Variants in ADCY4 observed in about 807,000 individuals in gnomAD.
The protein encoded by ADCY4 is adenylate cyclase 4.
In ADCY4, 111 loss-of-function variants were observed where a neutral mutation model predicts 125.5. That is an observed-to-expected ratio of 0.88 (90% CI 0.76 to 1.04). The LOEUF is 1.04. ADCY4 is among the 50% of genes least tolerant of loss of function. The pLI, the probability that ADCY4 is intolerant of heterozygous loss-of-function variation, is 0.00. For synonymous variants in ADCY4, 576 were observed against 586.9 expected, an observed-to-expected ratio of 0.98 and a Z score of 0.27; for missense variants, 1,256 against 1,382.9, an observed-to-expected ratio of 0.91 and a Z score of 1.46.
chr14:24,333,181 CTT>C (rs202157356), intron 1 of ADCY4, among the ~76,000 whole-genome samples, 193 bp from the exon 2 acceptor site: 29,781 of 152,038 alleles, frequency 0.2, 3,711 homozygotes, highest in Admixed American at 0.33. Flanking sequence ...TGTCCTACTG[CTT>C]TTATCTAGAC....
At chr14:24,334,244 C>T (rs1013571933) in intron 1 of ADCY4, among the ~76,000 whole-genome samples, 3 of 152,098 alleles carry the variant, frequency 2.0e-5, no homozygotes, top group African/African-American at 7.2e-5. Context: ...ACCCGTAGAC[C>T]ACGGATGTTC....
At chr14:24,321,790 G>C (rs2041856053) in intron 20 of ADCY4, 1 of 1,149,888 alleles carries the variant, frequency 8.7e-7, no homozygotes, top group Middle Eastern at 3.6e-4. Flanking sequence ...GGGGACCCCT[G>C]CTCCAGACAG....
At chr14:24,325,503 CAG>C (rs1156532184) in intron 13 of ADCY4, 29 bp from the exon 14 acceptor site, 3 of 1,584,336 alleles carry the variant, frequency 1.9e-6, no homozygotes, top group South Asian at 2.2e-5. Flanking sequence ...GAGGTGGAGA[CAG>C]GGTCCAGTGC....
In ADCY4 at chr14:24,318,739, G is replaced by A. The variant is rs1446701343; in HGVS notation, c.2996C>T (p.Ala999Val). The change falls in exon 24 of 25, where the codon GCC becomes GTC. Residue 999 changes from alanine to valine, a missense_variant. By Grantham distance (64) the Ala-to-Val change is moderately conservative. Transcript: ENST00000418030. ...CCAAATGTCATATTGCGGCTTCTGG[G>A]CCCCAATAACTCCAGCTACTACGGG... Reference protein sequence around the residue: ...HGPVVAGVIGAQKPQYDIWGN... With the variant: ...HGPVVAGVIGVQKPQYDIWGN... The A allele has an allele frequency of 2.5e-6, 4 of 1,614,154 alleles. No individual in the cohort carries two copies. Among genetic ancestry groups the A allele is most frequent in the Non-Finnish European group, 2.5e-6 (3 of 1,180,042 alleles).
rs1240062665 is a variant in ADCY4, at chr14:24,332,872, CA to C, written c.275del (p.Leu92ArgfsTer10). 6 of 1,605,890 alleles carry C rather than the reference CA, an allele frequency of 3.7e-6. No homozygotes were observed. The highest frequency in any genetic ancestry group is 5.1e-6 in the Non-Finnish European group (6 of 1,176,412). The stretch of plus-strand genomic sequence containing the variant: ...GCAGCGCGACCCATACCAAGCCGGA[CA>C]GGGGACGCGTCCAGCGCTGCAGTCG... ...EQRLQRWTRP[L>X]SGLVWVALLA... is the part of the protein sequence containing the mutation. On this transcript the variant is annotated frameshift_variant, in exon 2 of 25. Coordinates refer to ENST00000418030, the MANE Select transcript of ADCY4 (RefSeq NM_001198568.2). LOFTEE classifies it high-confidence loss of function.
chr14:24,332,735 T>C (rs893536023), intron 2 of ADCY4, 52 bp from the exon 3 acceptor site: 11 of 1,546,484 alleles, frequency 7.1e-6, no homozygotes, highest in Non-Finnish European at 9.6e-6. Flanking sequence ...ATTCAAGGCC[T>C]GGTGAGGGAT....
At position 24,334,762 on chromosome 14, in the gene ADCY4, AC is replaced by A; in HGVS notation, c.-111del. 4 of 879,802 alleles carry A rather than the reference AC, an allele frequency of 4.5e-6. No individual in the cohort carries two copies. Among genetic ancestry groups the A allele is most frequent in the Non-Finnish European group, 6.6e-6 (4 of 605,396 alleles). The allele number at this position is 879,802 out of a possible 1,614,324, so 54.5% of individuals were successfully genotyped here. ...TTCTCACCCGCTCAAAGCCGCTACC[AC>A]CCCGCGCCCCCAACCTCGTGGCAAT... On this transcript the variant is annotated 5_prime_UTR_variant, in exon 1 of 25. Transcript: ENST00000418030.
Position 24,319,443 on chromosome 14 carries a change from A to G in ADCY4, c.2734-7T>C, listed in dbSNP as rs914579219. ...ACTTGGGCTTGGAGAGCAGCTGTATATAGAGAAGAGTCCTGTCCCCAGTCT... is the reference window on the plus strand; with the variant it reads ...ACTTGGGCTTGGAGAGCAGCTGTATGTAGAGAAGAGTCCTGTCCCCAGTCT... On this transcript the variant is annotated splice_polypyrimidine_tract_variant and splice_region_variant and intron_variant, in intron 21 of 24. Coordinates refer to ENST00000418030, the MANE Select transcript of ADCY4 (RefSeq NM_001198568.2). The surrounding 1 kb of genome is among the most constrained non-coding windows in gnomAD (Gnocchi z 4.5). 10 of 1,613,690 alleles carry G rather than the reference A, an allele frequency of 6.2e-6. No individual in the cohort carries two copies. In the Admixed American group the frequency reaches 6.7e-5, roughly 11 times the overall value.
intron 10 of ADCY4, among the ~76,000 whole-genome samples, chr14:24,326,896 A>ATTTTTTTTTTTTTT (rs3078135): frequency 9.1e-6 from 1 of 109,940 alleles, no homozygotes. Context: ...ACCTGGCTGG[A>ATTTTTTTTTTTTTT]TTTTTTTTTT....
intron 10 of ADCY4, 139 bp from the exon 11 acceptor site, chr14:24,326,481 C>T (rs117992146): frequency 0.042 from 41,364 of 992,390 alleles, 1,100 homozygotes; most frequent in Non-Finnish European, 0.052. Context: ...CCTCTAATGA[C>T]CTCTCTGTCT....
rs1357509592 is a variant in ADCY4 at position 24,319,578 on chromosome 14, G to A, written c.2734-142C>T. The A allele has an allele frequency of 1.7e-6, 2 of 1,203,762 alleles. No homozygotes were observed. The allele number at this position is 1,203,762 out of a possible 1,614,324, so 74.6% of individuals were successfully genotyped here. ...GTCAGGAAGGAGAGGGTTGGTGGTG[G>A]GCAGTGTTGCTGGAGTGGGTAGATC... On this transcript the variant is annotated intron_variant, in intron 21 of 24. Coordinates refer to ENST00000418030, the MANE Select transcript of ADCY4 (RefSeq NM_001198568.2). This position sits in a 1 kb window ranked among gnomAD's most constrained non-coding sequence, Gnocchi z 4.5.
At position 24,330,284 on chromosome 14, in the gene ADCY4, G is replaced by A. The variant is rs1388770767; in HGVS notation, c.942C>T (p.Cys314=). 1.9e-6 allele frequency: 3 copies of A among 1,614,190 alleles called. No individual in the cohort carries two copies. The highest frequency in any genetic ancestry group is 4.5e-5 in the East Asian group (2 of 44,874). The part of the protein sequence containing the change: ...KFDQIAKEHE[C]MRIKILGDCY... The stretch of plus-strand genomic sequence containing the variant: ...AGTCCCCCAGGATCTTGATCCGCAT[G>A]CATTCATGCTCCTGGGAGTGTGTAT... Residue 314 remains cysteine (C), a synonymous_variant, in exon 7 of 25, where the codon TGC becomes TGT. Transcript: ENST00000418030.
rs182469620 is a variant in ADCY4, at chr14:24,326,884, G to A, written c.1525-542C>T. Among the ~76,000 whole-genome samples, 631 of 143,080 alleles carry A rather than the reference G, an allele frequency of 4.4e-3. 3 individuals are homozygous for A. The highest frequency in any genetic ancestry group is 0.016 in the African/African-American group (606 of 38,498). The allele number at this position is 143,080 out of a possible 152,430, so 93.9% of individuals were successfully genotyped here. A position where few individuals can be genotyped will look rare whatever the true frequency, so the allele number is the denominator to read the frequency against. On this transcript the variant is annotated intron_variant, in intron 10 of 24. Transcript: ENST00000418030. ...GCTGGGATTATAGGCATGAGCCACC[G>A]TACCTGGCTGGATTTTTTTTTTTTT...
At chr14:24,324,632 A>G (rs1594655544) in intron 14 of ADCY4, among the ~76,000 whole-genome samples, 1 of 152,010 alleles carries the variant, frequency 6.6e-6, no homozygotes, top group African/African-American at 2.4e-5. Context: ...GGGGGCTCAC[A>G]AGAATGGCTG....
chr14:24,326,360 G>T lies in ADCY4; in HGVS notation c.1525-18C>A, dbSNP rs1166172565. ...GTCTTCTCCTGTTGGGAGAGCACAG[G>T]GGGAGGTGGGCATGGTGGGTGTTTT... On this transcript the variant is annotated intron_variant, in intron 10 of 24. Transcript: ENST00000418030. 1.2e-6 allele frequency: 2 copies of T among 1,601,542 alleles called. No individual in the cohort carries two copies. The highest frequency in any genetic ancestry group is 1.1e-5 in the South Asian group (1 of 90,358).
intron 3 of ADCY4, chr14:24,332,299 G>A (rs1199145240): frequency 2.0e-6 from 1 of 511,630 alleles, no homozygotes; most frequent in Non-Finnish European, 3.3e-6. Context: ...TGTCCCCGGG[G>A]TAAACCACGA....
intron 4 of ADCY4, 175 bp from the exon 5 acceptor site, chr14:24,331,531 T>C: frequency 1.1e-6 from 1 of 942,738 alleles, no homozygotes. Flanking sequence ...CTGATCACCT[T>C]TAGTGACTAA....
Position 24,329,925 on chromosome 14 carries a change from C to A in ADCY4, c.1152G>T (p.Trp384Cys). ...CATCATGTGACCAAACGTCGTACTG[C>A]CACTTCTGCAGCCCGATGACTCCAC... ...VLCGVIGLQK[W>C]QYDVWSHDVT... The change falls in exon 8 of 25, where the codon TGG becomes TGT. Residue 384 changes from tryptophan (W) to cysteine (C), a missense_variant. By Grantham distance (215) the Trp-to-Cys change is radical. Transcript: ENST00000418030. The A allele has an allele frequency of 6.2e-7, 1 of 1,614,130 alleles. No individual in the cohort carries two copies. The highest frequency in any genetic ancestry group is 8.5e-7 in the Non-Finnish European group (1 of 1,180,006).
rs375963088 is a variant in ADCY4, at chr14:24,329,466, T to C, written c.1285A>G (p.Met429Val). ...CGAAGGTAGGGGTCCCGATGCTCCA[T>C]GCCTGCGTCCTCCACAGCATAAGCC... is the stretch of plus-strand genomic sequence containing the variant. ...AGAYAVEDAGMEHRDPYLREL... is the reference protein window; with the variant it reads ...AGAYAVEDAGVEHRDPYLREL... The change falls in exon 9 of 25, where the codon ATG becomes GTG. Residue 429 changes from methionine (M) to valine (V), a missense_variant. Transcript: ENST00000418030. 6.3e-7 allele frequency: 1 copy of C among 1,582,730 alleles called. No homozygotes were observed.
Sources: gnomAD v4.1 joint callset for allele counts (sites outside exome capture counted in the v4.1 genomes callset) on GRCh38, gnomAD v4.1.1 for gene constraint, Gnocchi (gnomAD v3.1) non-coding constraint, MANE v1.5 for transcripts, NCBI Gene and HGNC (gene_info 2026-07-23, HGNC 2026-07-21) for gene names.